ALK: variants seen among roughly 807,000 people sequenced by gnomAD.
ALK encodes ALK receptor tyrosine kinase.
ALK carries 74 observed loss-of-function variants against 163.1 expected under a neutral mutation model. The ratio of observed to expected loss-of-function variants is 0.45; its 90% CI spans 0.38 to 0.55. ALK has a LOEUF of 0.55. Among genes scored for constraint, ALK ranks in the 20% least tolerant of loss-of-function variants. The pLI, the probability that ALK is intolerant of heterozygous loss-of-function variation, is 0.00. For synonymous variants in ALK, 960 were observed against 843.2 expected (o/e 1.14, Z -2.40); for missense variants, 2,063 against 2,105.3 (o/e 0.98, Z 0.39).
chr2:29,340,659 G>A lies in ALK; in HGVS notation c.1283-12178C>T, dbSNP rs139670284. Among the ~76,000 whole-genome samples the A allele has an allele frequency of 1.5e-3, 226 of 152,256 alleles. 1 individual carries two copies. The highest frequency in any genetic ancestry group is 5.0e-3 in the African/African-American group (207 of 41,548). On this transcript the variant is annotated intron_variant, in intron 5 of 28. Transcript: ENST00000389048. ...GTCCTGTACTCAAGGCTTTATGAGC[G>A]TTATTTTATTTGGAAAGTACTTTGT...
At chr2:29,464,678 C>T (rs1233566602) in intron 4 of ALK, among the ~76,000 whole-genome samples, 1 of 151,914 alleles carries the variant, frequency 6.6e-6, no homozygotes, top group Non-Finnish European at 1.5e-5. Flanking sequence ...TACTAGGGAA[C>T]ATTTGGTAAT....
rs1668001605 is a variant in ALK at position 29,921,435 on chromosome 2, C to G, written c.-776G>C. On this transcript the variant is annotated 5_prime_UTR_variant, in exon 1 of 29. Transcript: ENST00000389048. ...GGGGCGCCCGAAATCTTGCCGCCCC[C>G]TCCTCACCCATCATCAGCGCCCGCG... The G allele has an allele frequency of 4.3e-6, 1 of 232,372 alleles. No homozygotes were observed. The highest frequency in any genetic ancestry group is 2.2e-5 in the African/African-American group (1 of 45,424). 14.4% of individuals were successfully genotyped at this position (232,372 alleles called of 1,614,324 possible).
intron 11 of ALK, among the ~76,000 whole-genome samples, chr2:29,258,001 G>C (rs1664991740): frequency 6.6e-6 from 1 of 152,118 alleles, no homozygotes; most frequent in Non-Finnish European, 1.5e-5. Context: ...ACCATGCTCA[G>C]CTAAATTTTA....
intron 1 of ALK, among the ~76,000 whole-genome samples, chr2:29,738,653 AT>A (rs1356903088): frequency 2.6e-5 from 4 of 152,034 alleles, no homozygotes; most frequent in African/African-American, 9.7e-5. Flanking sequence ...AAGAACTGAA[AT>A]TTCAAACAAG....
At chr2:29,661,738 A>G (rs1677354213) in intron 3 of ALK, among the ~76,000 whole-genome samples, 1 of 152,074 alleles carries the variant, frequency 6.6e-6, no homozygotes. Context: ...CCTTGTGTTC[A>G]CTCTATCCTC....
chr2:29,218,120 A>G (rs925442309), intron 23 of ALK, among the ~76,000 whole-genome samples: 4 of 152,188 alleles, frequency 2.6e-5, no homozygotes, highest in Admixed American at 6.5e-5. Context: ...GAGGGCCACA[A>G]TTGGACATTT....
rs1668370962 is a variant in ALK at position 29,360,924 on chromosome 2, C to T, written c.1282+22808G>A. ...ATCTTCACTTTGGATTGGACCCTCC[C>T]ACCACCCCTGGTCATGGGCCTGAAA... On this transcript the variant is annotated intron_variant, in intron 5 of 28. Coordinates refer to ENST00000389048, the MANE Select transcript of ALK (RefSeq NM_004304.5). Among the ~76,000 whole-genome samples the T allele has an allele frequency of 3.3e-5, 5 of 152,302 alleles. 1 individual carries two copies. Among genetic ancestry groups the T allele is most frequent in the Admixed American group, 2.6e-4 (4 of 15,302 alleles).
At chr2:29,605,183 G>C (rs1159586953) in intron 3 of ALK, among the ~76,000 whole-genome samples, 1 of 152,202 alleles carries the variant, frequency 6.6e-6, no homozygotes, top group Non-Finnish European at 1.5e-5. Context: ...TTCTCATAAG[G>C]AGTGTGCAAC....
intron 4 of ALK, among the ~76,000 whole-genome samples, chr2:29,473,366 G>T (rs1027037326): frequency 6.6e-6 from 1 of 152,122 alleles, no homozygotes; most frequent in Non-Finnish European, 1.5e-5. Context: ...TCTAGAAGAT[G>T]ACATAGAAGA....
rs548438185 is a variant in ALK, at chr2:29,871,092, A to C, written c.667+48901T>G. 5.3e-5 allele frequency among the ~76,000 whole-genome samples: 8 copies of C among 152,286 alleles called. No individual in the cohort carries two copies. In the East Asian group the frequency reaches 1.4e-3, roughly 26 times the overall value. Reference sequence around the variant, plus strand: ...GGACAGAAATGTCTGGCTGGTCAACACGCATGAACCTTGGTATAAAACCCA... The same window carrying C: ...GGACAGAAATGTCTGGCTGGTCAACCCGCATGAACCTTGGTATAAAACCCA... On this transcript the variant is annotated intron_variant, in intron 1 of 28. Transcript: ENST00000389048.
chr2:29,850,458 T>C (rs1437827418), intron 1 of ALK, among the ~76,000 whole-genome samples: 2 of 152,210 alleles, frequency 1.3e-5, no homozygotes, highest in African/African-American at 4.8e-5. Context: ...ATTGTTATAC[T>C]TCTATAAAAA....
intron 1 of ALK, among the ~76,000 whole-genome samples, chr2:29,762,578 G>A (rs1404960872): frequency 1.3e-5 from 2 of 152,194 alleles, no homozygotes; most frequent in African/African-American, 2.4e-5. Flanking sequence ...ATAAGGGGTT[G>A]GTAGGACTCA....
At position 29,265,826 on chromosome 2, in the gene ALK, A is replaced by G. The variant is rs187876249; in HGVS notation, c.2041+9273T>C. Among the ~76,000 whole-genome samples the G allele has an allele frequency of 6.8e-3, 1,031 of 152,242 alleles. 11 individuals are homozygous for G. Among genetic ancestry groups the G allele is most frequent in the African/African-American group, 0.024 (981 of 41,540 alleles). The stretch of plus-strand genomic sequence containing the variant: ...AACATGGTGAAACCCCGTCTCTACT[A>G]AAAATGCAAAAATTAGCTGGGTGTG... On this transcript the variant is annotated intron_variant, in intron 11 of 28. Coordinates refer to ENST00000389048, the MANE Select transcript of ALK (RefSeq NM_004304.5).
intron 1 of ALK, among the ~76,000 whole-genome samples, chr2:29,795,442 A>G (rs7570511): frequency 1.3e-3 from 192 of 152,262 alleles, no homozygotes; most frequent in African/African-American, 4.5e-3. Context: ...CAATATACCT[A>G]TTTTTTGACC....
chr2:29,510,692 T>G (rs1200000572), intron 4 of ALK, among the ~76,000 whole-genome samples: 1 of 152,182 alleles, frequency 6.6e-6, no homozygotes, highest in East Asian at 1.9e-4. Context: ...GTATTGGATG[T>G]TTATAGACTG....
intron 1 of ALK, among the ~76,000 whole-genome samples, chr2:29,781,725 C>T (rs1681336297): frequency 6.6e-6 from 1 of 152,198 alleles, no homozygotes; most frequent in South Asian, 2.1e-4. Flanking sequence ...ACTCATACCT[C>T]CTGTTTTGCA....
At chr2:29,297,748 A>C (rs1413229834) in intron 8 of ALK, among the ~76,000 whole-genome samples, 1 of 152,216 alleles carries the variant, frequency 6.6e-6, no homozygotes, top group African/African-American at 2.4e-5. Flanking sequence ...ATTGTTCCTA[A>C]ACATTTGAAA....
intron 24 of ALK, among the ~76,000 whole-genome samples, chr2:29,212,268 G>C (rs1669486797): frequency 6.6e-6 from 1 of 152,212 alleles, no homozygotes; most frequent in Non-Finnish European, 1.5e-5. Flanking sequence ...AAGGAGCACA[G>C]CTTGGTCTTG....
chr2:29,677,137 C>T (rs915474341), intron 3 of ALK, among the ~76,000 whole-genome samples: 4 of 151,102 alleles, frequency 2.6e-5, no homozygotes, highest in African/African-American at 9.7e-5. Flanking sequence ...TAGTTCCCTC[C>T]CTCCCTATTT....
Sources: gnomAD v4.1 joint callset for allele counts (sites outside exome capture counted in the v4.1 genomes callset) on GRCh38, gnomAD v4.1.1 for gene constraint, MANE v1.5 for transcripts, NCBI Gene and HGNC (gene_info 2026-07-23, HGNC 2026-07-21) for gene names.